Variants in KHDRBS2 observed in about 807,000 individuals in gnomAD.
KHDRBS2 encodes the protein KH RNA binding domain containing, signal transduction associated 2, also known as KH domain-containing, RNA-binding, signal transduction-associated protein 2.
Under a neutral mutation model 44.3 loss-of-function variants are expected in KHDRBS2, and 26 were observed. That is an observed-to-expected ratio of 0.59 (90% CI 0.43 to 0.81). The LOEUF is 0.81. KHDRBS2 is among the 40% of genes least tolerant of loss of function. The pLI is 0.00. For synonymous variants in KHDRBS2, 194 were observed against 151.1 expected (o/e 1.28, Z -2.08); for missense variants, 476 against 433.1 (o/e 1.10, Z -0.88).
At chr6:62,255,693 C>T (rs966742317) in intron 1 of KHDRBS2, among the ~76,000 whole-genome samples, 2 of 150,936 alleles carry the variant, frequency 1.3e-5, no homozygotes, top group Non-Finnish European at 3.0e-5. Context: ...TGAGTCCTTA[C>T]CAAACCCTTT....
intron 2 of KHDRBS2, among the ~76,000 whole-genome samples, chr6:62,119,344 T>G (rs762444806): frequency 6.6e-6 from 1 of 152,198 alleles, no homozygotes; most frequent in Non-Finnish European, 1.5e-5. Context: ...GGTTGGTTGC[T>G]CTTAAGTTCG....
At chr6:61,556,872 ATTTTTTTT>A in the KHDRBS2 span, among the ~76,000 whole-genome samples, 1,452 of 87,498 alleles carry the variant, frequency 0.017, 5 homozygotes, top group Non-Finnish European at 0.024. Context: ...TGAAATTGAG[ATTTTTTTT>A]TTTTTTTTTT....
chr6:61,705,161 T>C (rs1769316229), intron 7 of KHDRBS2, among the ~76,000 whole-genome samples: 1 of 151,810 alleles, frequency 6.6e-6, no homozygotes, highest in Non-Finnish European at 1.5e-5. Flanking sequence ...AATTCTCTTT[T>C]TGCCAAAATT....
intron 2 of KHDRBS2, among the ~76,000 whole-genome samples, chr6:62,124,096 T>A (rs1313798601): frequency 6.6e-6 from 1 of 152,200 alleles, no homozygotes; most frequent in Non-Finnish European, 1.5e-5. Context: ...GCTCTCATCT[T>A]ACTTGACTGC....
At chr6:61,751,665 A>G (rs1351770251) in intron 6 of KHDRBS2, among the ~76,000 whole-genome samples, 1 of 152,194 alleles carries the variant, frequency 6.6e-6, no homozygotes, top group Non-Finnish European at 1.5e-5. Flanking sequence ...GGGATTAACC[A>G]AATTGGCACA....
chr6:61,663,500 C>CATATATATATATATATATGTATAT, the KHDRBS2 span, among the ~76,000 whole-genome samples: 2 of 35,970 alleles, frequency 5.6e-5, 1 homozygote, highest in Non-Finnish European at 1.1e-4. Flanking sequence ...CATGAGACAC[C>CATATATATATATATATATGTATAT]ATATATATAT....
chr6:61,556,240 G>C, the KHDRBS2 span, among the ~76,000 whole-genome samples: 1 of 152,208 alleles, frequency 6.6e-6, no homozygotes, highest in Non-Finnish European at 1.5e-5. Context: ...GCAGCATCGG[G>C]CAGGGGGCAG....
chr6:62,047,763 A>G, intron 3 of KHDRBS2, 115 bp downstream of exon 3: 1 of 707,624 alleles, frequency 1.4e-6, no homozygotes, highest in Non-Finnish European at 2.6e-6. Flanking sequence ...TGATCCCAGG[A>G]AATGGAAATC....
intron 6 of KHDRBS2, among the ~76,000 whole-genome samples, chr6:61,836,535 A>G (rs1583081886): frequency 6.6e-6 from 1 of 152,040 alleles, no homozygotes; most frequent in Non-Finnish European, 1.5e-5. Context: ...CTTCCAATAA[A>G]TAAGAAAAAT....
intron 1 of KHDRBS2, among the ~76,000 whole-genome samples, chr6:62,243,985 C>T (rs545682163): frequency 6.6e-6 from 1 of 151,928 alleles, no homozygotes; most frequent in African/African-American, 2.4e-5. Context: ...TATTATTTTC[C>T]TCTTTAATCA....
Position 62,286,088 on chromosome 6 carries a change from A to T in KHDRBS2, c.-140T>A. ...GATCTCTGTGCGTCCTCACTGGCCC[A>T]TGCACCCAGCACCTGCGACTCCCGC... On this transcript the variant is annotated 5_prime_UTR_variant, in exon 1 of 9. It removes an upstream start codon present in the reference 5' UTR. Transcript: ENST00000281156. 1 of 630,694 alleles carries T rather than the reference A, an allele frequency of 1.6e-6. No individual in the cohort carries two copies. The highest frequency in any genetic ancestry group is 2.8e-6 in the Non-Finnish European group (1 of 355,804). 39.1% of individuals were successfully genotyped at this position (630,694 alleles called of 1,614,324 possible).
chr6:62,252,950 T>C (rs546375319), intron 1 of KHDRBS2, among the ~76,000 whole-genome samples: 4 of 152,154 alleles, frequency 2.6e-5, no homozygotes, highest in African/African-American at 4.8e-5. Flanking sequence ...ACCCAAGTTA[T>C]ACTATAGAGC....
At chr6:62,262,545 T>C (rs1838526966) in intron 1 of KHDRBS2, among the ~76,000 whole-genome samples, 1 of 151,780 alleles carries the variant, frequency 6.6e-6, no homozygotes, top group South Asian at 2.1e-4. Context: ...GTTGGAACAC[T>C]AAAAGAGATT....
At chr6:62,031,379 A>G (rs933658600) in intron 3 of KHDRBS2, among the ~76,000 whole-genome samples, 11 of 152,094 alleles carry the variant, frequency 7.2e-5, no homozygotes, top group African/African-American at 2.4e-4. Flanking sequence ...TGCAGTGAAA[A>G]GTAAGGTAGA....
intron 4 of KHDRBS2, among the ~76,000 whole-genome samples, chr6:61,920,193 C>T (rs1807805438): frequency 6.6e-6 from 1 of 151,830 alleles, no homozygotes; most frequent in East Asian, 1.9e-4. Context: ...TTTCATGCAG[C>T]AATTATGAAT....
chr6:61,585,778 C>T, the KHDRBS2 span, among the ~76,000 whole-genome samples: 1 of 152,052 alleles, frequency 6.6e-6, no homozygotes, highest in East Asian at 1.9e-4. Flanking sequence ...TAGTTCATTG[C>T]TTCAGGTTGA....
intron 2 of KHDRBS2, among the ~76,000 whole-genome samples, chr6:62,132,724 T>A (rs1014017593): frequency 1.3e-5 from 2 of 152,192 alleles, no homozygotes; most frequent in African/African-American, 4.8e-5. Flanking sequence ...AAACATGGCA[T>A]TATTATTTTC....
intron 6 of KHDRBS2, among the ~76,000 whole-genome samples, chr6:61,796,045 A>G (rs552572601): frequency 3.2e-4 from 49 of 152,210 alleles, no homozygotes; most frequent in African/African-American, 1.1e-3. Context: ...TCTGACCCCA[A>G]TCAATTGTGT....
At chr6:62,037,855 T>C (rs899502087) in intron 3 of KHDRBS2, among the ~76,000 whole-genome samples, 6 of 152,048 alleles carry the variant, frequency 3.9e-5, no homozygotes, top group African/African-American at 1.4e-4. Context: ...TTAATGTTAG[T>C]ATTTTCAAAA....
Sources: allele counts gnomAD v4.1 joint callset (sites outside exome capture counted in the v4.1 genomes callset), GRCh38; gene constraint gnomAD v4.1.1; transcripts MANE v1.5; gene names NCBI Gene and HGNC (gene_info 2026-07-23, HGNC 2026-07-21).